The following ARHGEF9 variants were observed in gnomAD, a reference collection of about 807,000 sequenced individuals.
ARHGEF9 encodes the protein rho guanine nucleotide exchange factor 9.
A neutral mutation model predicts 41.3 loss-of-function variants in ARHGEF9; 2 were observed. The observed-to-expected ratio is 0.05, with a 90% CI of 0.02 to 0.15. ARHGEF9 has a LOEUF of 0.15. Among genes scored for constraint, ARHGEF9 ranks in the 10% least tolerant of loss-of-function variants. ARHGEF9 has a pLI of 1.00. For synonymous variants in ARHGEF9, 160 were observed against 154.4 expected (o/e 1.04, Z -0.27); for missense variants, 225 against 424.7 (o/e 0.53, Z 4.13).
At chrX:63,657,898 T>C (rs1556337906) in intron 7 of ARHGEF9, 3 of 111,886 alleles carry the variant, frequency 2.7e-5, no homozygotes, top group Admixed American at 9.5e-5. Flanking sequence ...ATATAATACA[T>C]ACAAACCTGG....
At chrX:63,700,811 G>A (rs1320682793) in intron 3 of ARHGEF9, among the ~76,000 whole-genome samples, 2 of 111,460 alleles carry the variant, frequency 1.8e-5, no homozygotes, top group Non-Finnish European at 3.8e-5. Flanking sequence ...AAAGGGGTCT[G>A]TGGCTCTTAC....
At chrX:63,685,529 ACTAAGTTGGAGGAGTTATGCTAT>A (rs1406281027) in intron 4 of ARHGEF9, among the ~76,000 whole-genome samples, 1 of 112,082 alleles carries the variant, frequency 8.9e-6, no homozygotes, top group East Asian at 2.8e-4. Context: ...TTGAAAAAGA[ACTAAGTTGGAGGAGTTATGCTAT>A]CTGATTTAAA....
chrX:63,708,429 G>C (rs1198889577), intron 2 of ARHGEF9, among the ~76,000 whole-genome samples: 1 of 112,253 alleles, frequency 8.9e-6, no homozygotes, highest in African/African-American at 3.2e-5. Context: ...AGGATATGAA[G>C]GAAAGGGGAA....
At chrX:63,701,511 G>C (rs1364639278) in intron 3 of ARHGEF9, 2 of 111,908 alleles carry the variant, frequency 1.8e-5, no homozygotes, top group African/African-American at 6.5e-5. Flanking sequence ...TTGCTGCTCA[G>C]TTATTTGTCA....
At chrX:63,643,588 G>A (rs781814596) in intron 9 of ARHGEF9, among the ~76,000 whole-genome samples, 11 of 110,133 alleles carry the variant, frequency 1.0e-4, no homozygotes, top group Admixed American at 1.9e-4. Flanking sequence ...CTTGTGATCC[G>A]CCTGCCTCGG....
intron 4 of ARHGEF9, among the ~76,000 whole-genome samples, chrX:63,691,660 T>A (rs1602419240): frequency 9.0e-6 from 1 of 110,872 alleles, no homozygotes; most frequent in African/African-American, 3.3e-5. Flanking sequence ...AAATGCAATC[T>A]CTATCAAAAT....
At chrX:63,707,131 C>T (rs782579416) in intron 2 of ARHGEF9, among the ~76,000 whole-genome samples, 1 of 111,273 alleles carries the variant, frequency 9.0e-6, no homozygotes, top group Non-Finnish European at 1.9e-5. Flanking sequence ...TAATCTATCC[C>T]AAGTCGCACA....
intron 1 of ARHGEF9, among the ~76,000 whole-genome samples, chrX:63,763,857 G>T (rs781997616): frequency 9.0e-5 from 10 of 111,569 alleles, no homozygotes; most frequent in Non-Finnish European, 1.7e-4. Context: ...ACTATTATTT[G>T]AGGGTGTGAT....
intron 4 of ARHGEF9, among the ~76,000 whole-genome samples, chrX:63,688,333 G>A: frequency 8.9e-6 from 1 of 111,778 alleles, no homozygotes; most frequent in Non-Finnish European, 1.9e-5. Context: ...GAAGCTGAGG[G>A]AATTCATCAA....
intron 1 of ARHGEF9, among the ~76,000 whole-genome samples, chrX:63,774,664 C>T (rs1293408373): frequency 1.8e-5 from 2 of 111,572 alleles, no homozygotes; most frequent in Admixed American, 9.6e-5. Flanking sequence ...GCCTACTCCC[C>T]ATCCTATGCA....
intron 9 of ARHGEF9, chrX:63,640,955 T>C (rs781804384): frequency 8.9e-6 from 1 of 111,801 alleles, no homozygotes; most frequent in Non-Finnish European, 1.9e-5. Flanking sequence ...TGTATGGCAC[T>C]CTTGAGTCTC....
At chrX:63,753,016 C>G (rs1556442735) in intron 1 of ARHGEF9, among the ~76,000 whole-genome samples, 1 of 112,493 alleles carries the variant, frequency 8.9e-6, no homozygotes, top group East Asian at 2.8e-4. Context: ...CCTACATTAA[C>G]AGGGGAGAAA....
At chrX:63,709,050 C>T (rs1411453422) in intron 2 of ARHGEF9, 1 of 112,176 alleles carries the variant, frequency 8.9e-6, no homozygotes, top group African/African-American at 3.2e-5. Flanking sequence ...ACAGGTCAGC[C>T]CATATGCTTA....
At chrX:63,722,313 CA>C (rs1569490309) in intron 2 of ARHGEF9, among the ~76,000 whole-genome samples, 1 of 111,671 alleles carries the variant, frequency 9.0e-6, no homozygotes, top group East Asian at 2.8e-4. Flanking sequence ...GATACCTCAC[CA>C]TGTCAGTTAC....
At chrX:63,692,902 G>T (rs1279705381) in intron 4 of ARHGEF9, among the ~76,000 whole-genome samples, 1 of 112,000 alleles carries the variant, frequency 8.9e-6, no homozygotes, top group African/African-American at 3.2e-5. Context: ...CCTGTCATTT[G>T]CAGCAACATG....
intron 1 of ARHGEF9, among the ~76,000 whole-genome samples, chrX:63,775,960 T>G (rs1207380764): frequency 9.0e-6 from 1 of 111,420 alleles, no homozygotes; most frequent in Non-Finnish European, 1.9e-5. Context: ...TTATCTTCTA[T>G]ATACATTCCT....
chrX:63,706,488 C>A (rs781983966), intron 2 of ARHGEF9, 39 bp from the exon 3 acceptor site: 17 of 1,165,281 alleles, frequency 1.5e-5, no homozygotes. Context: ...GAGTTAGCTT[C>A]CTTCTTTGGG....
At position 63,756,826 on chromosome X, in the gene ARHGEF9, T is replaced by A. The variant is rs181802004; in HGVS notation, c.30+28290A>T. Among the ~76,000 whole-genome samples, 28 of 111,826 alleles carry A rather than the reference T, an allele frequency of 2.5e-4. No homozygotes were observed. The Middle Eastern group carries it at 0.018, about 73-fold the overall frequency. ...TCTCCTAGTCTTTGAAAGTTCAGTC[T>A]TATCCTGTCTCTATTTCCTCATTAT... On this transcript the variant is annotated intron_variant, in intron 1 of 9. Coordinates refer to ENST00000671741, the MANE Select transcript of ARHGEF9 (RefSeq NM_001353921.2).
intron 1 of ARHGEF9, among the ~76,000 whole-genome samples, chrX:63,780,187 G>A (rs2056357987): frequency 8.9e-6 from 1 of 111,855 alleles, no homozygotes; most frequent in Admixed American, 9.5e-5. Flanking sequence ...AAGACTTCCT[G>A]AAGCTGCCAT....
Sources: allele counts gnomAD v4.1 joint callset (sites outside exome capture counted in the v4.1 genomes callset), GRCh38; gene constraint gnomAD v4.1.1; transcripts MANE v1.5; gene names NCBI Gene and HGNC (gene_info 2026-07-23, HGNC 2026-07-21).